TMEM254: variants seen among roughly 807,000 people sequenced by gnomAD.
TMEM254 encodes the protein transmembrane protein C10orf57.
In TMEM254, 16 loss-of-function variants were observed where a neutral mutation model predicts 13.9. The observed-to-expected ratio is 1.15, with a 90% CI of 0.78 to 1.75. TMEM254 has a LOEUF of 1.75. Ranked by LOEUF, TMEM254 falls within the 40% of genes most tolerant of loss-of-function variation. TMEM254 has a pLI of 0.00. For missense variants in TMEM254, 155 were observed against 149.0 expected (o/e 1.04, Z -0.21); for synonymous variants, 61 against 56.4 (o/e 1.08, Z -0.36).
chr10:80,090,967 T>C lies in TMEM254; in HGVS notation c.*50T>C. 5.0e-6 allele frequency: 8 copies of C among 1,602,758 alleles called. No individual in the cohort carries two copies. Among genetic ancestry groups the C allele is most frequent in the Non-Finnish European group, 6.0e-6 (7 of 1,175,738 alleles). ...CTTTTACATTCATCCTCACCCTTTT[T>C]TTTGTGGGGTAGAGGAGGTGCAGTA... On this transcript the variant is annotated 3_prime_UTR_variant, in exon 4 of 4. Transcript: ENST00000372281.
chr10:80,082,337 A>T (rs1844081621), intron 3 of TMEM254, 133 bp downstream of exon 3: 6 of 989,540 alleles, frequency 6.1e-6, no homozygotes, highest in Admixed American at 2.2e-5. Flanking sequence ...CCCATGCCTG[A>T]TACTGAGCCT....
chr10:80,090,271 G>GT (rs1344757571), intron 3 of TMEM254: 2 of 656,710 alleles, frequency 3.0e-6, no homozygotes, highest in Non-Finnish European at 5.6e-6. Flanking sequence ...ATAAGCAGGT[G>GT]TTTATCATGA....
Position 80,090,880 on chromosome 10 carries a change from T to C in TMEM254, c.335T>C (p.Leu112Ser), listed in dbSNP as rs569665846. The C allele has an allele frequency of 1.2e-6, 2 of 1,614,134 alleles. No individual in the cohort carries two copies. Among genetic ancestry groups the C allele is most frequent in the East Asian group, 2.2e-5 (1 of 44,878 alleles). ...FFFGIASLTILIAYKRKRQKQ... is the reference protein window; with the variant it reads ...FFFGIASLTISIAYKRKRQKQ... The stretch of plus-strand genomic sequence containing the variant: ...TTTGGGATAGCGTCTCTCACCATCT[T>C]GATTGCTTACAAACGGAAGCGCCAA... Residue 112 changes from leucine to serine, a missense_variant, in exon 4 of 4, where the codon TTG becomes TCG. By Grantham distance (145) the Leu-to-Ser change is moderately radical. Coordinates refer to ENST00000372281, the MANE Select transcript of TMEM254 (RefSeq NM_025125.4).
At chr10:80,079,488 ATGTT>A (rs1048742388) in intron 1 of TMEM254, 5 of 1,027,778 alleles carry the variant, frequency 4.9e-6, no homozygotes, top group South Asian at 3.6e-5. Context: ...CCGAAGCAGA[ATGTT>A]TGAGCCAATA....
At chr10:80,078,859 A>G (rs1843787984) in intron 1 of TMEM254, 73 bp downstream of exon 1, 2 of 1,541,050 alleles carry the variant, frequency 1.3e-6, no homozygotes, top group Non-Finnish European at 1.8e-6. Context: ...ACCTGGGCTC[A>G]CAGGCCGCGG....
intron 3 of TMEM254, among the ~76,000 whole-genome samples, chr10:80,088,327 T>C (rs1429382096): frequency 1.3e-5 from 2 of 152,194 alleles, no homozygotes; most frequent in African/African-American, 2.4e-5. Flanking sequence ...CCTTTGCATA[T>C]TCTGTGCATT....
chr10:80,090,962 C>CTTTTTT lies in TMEM254; in HGVS notation c.*48_*53dup. 6.3e-7 allele frequency: 1 copy of CTTTTTT among 1,599,096 alleles called. No individual in the cohort carries two copies. Among genetic ancestry groups the CTTTTTT allele is most frequent in the Non-Finnish European group, 8.5e-7 (1 of 1,173,506 alleles). On this transcript the variant is annotated 3_prime_UTR_variant, in exon 4 of 4. Coordinates refer to ENST00000372281, the MANE Select transcript of TMEM254 (RefSeq NM_025125.4). ...CTACACTTTTACATTCATCCTCACC[C>CTTTTTT]TTTTTTTTGTGGGGTAGAGGAGGTG...
chr10:80,082,310 CAG>C, intron 3 of TMEM254, 106 bp downstream of exon 3: 1 of 1,349,062 alleles, frequency 7.4e-7, no homozygotes, highest in South Asian at 1.2e-5. Context: ...AGAATATTCT[CAG>C]GGTAGAGCGG....
intron 1 of TMEM254, among the ~76,000 whole-genome samples, chr10:80,080,713 C>T (rs1843957236): frequency 6.6e-6 from 1 of 151,988 alleles, no homozygotes; most frequent in Admixed American, 6.6e-5. Flanking sequence ...CCGAGGCGGG[C>T]AAATCGCTTG....
intron 3 of TMEM254, among the ~76,000 whole-genome samples, chr10:80,087,488 C>CAA (rs34380847): frequency 0.014 from 1,856 of 136,038 alleles, 37 homozygotes; most frequent in African/African-American, 0.034. Flanking sequence ...ACTAAAAATA[C>CAA]AAAAAAAAAA....
intron 3 of TMEM254, among the ~76,000 whole-genome samples, chr10:80,084,347 C>A (rs1206348608): frequency 2.6e-5 from 4 of 152,174 alleles, no homozygotes; most frequent in Admixed American, 1.3e-4. Flanking sequence ...ATTGAGATCA[C>A]TTCCGTCCTT....
In TMEM254 at chr10:80,079,616, G is replaced by A. The variant is rs1211499710; in HGVS notation, c.87+830G>A. The stretch of plus-strand genomic sequence containing the variant: ...TAGGTGTGGAAGCAAGAAGAAAGCT[G>A]TACCTAGAAAAAGAGCGACGTTTGT... On this transcript the variant is annotated intron_variant, in intron 1 of 3. Coordinates refer to ENST00000372281, the MANE Select transcript of TMEM254 (RefSeq NM_025125.4). 4 of 986,982 alleles carry A rather than the reference G, an allele frequency of 4.1e-6. No homozygotes were observed. In the East Asian group the frequency reaches 4.5e-4, roughly 112 times the overall value. 61.1% of individuals were successfully genotyped at this position (986,982 alleles called of 1,614,324 possible).
At chr10:80,086,093 GT>G in intron 3 of TMEM254, 1 of 465,744 alleles carries the variant, frequency 2.1e-6, no homozygotes, top group Non-Finnish European at 3.7e-6. Context: ...AGTATCAGAG[GT>G]AACATTTTTT....
At chr10:80,089,890 A>G (rs1046064959) in intron 3 of TMEM254, among the ~76,000 whole-genome samples, 3 of 151,996 alleles carry the variant, frequency 2.0e-5, no homozygotes, top group African/African-American at 7.2e-5. Flanking sequence ...CTGTAATCCC[A>G]GCTACTCGGG....
At chr10:80,088,671 A>G (rs1354739054) in intron 3 of TMEM254, among the ~76,000 whole-genome samples, 7 of 150,838 alleles carry the variant, frequency 4.6e-5, no homozygotes, top group Non-Finnish European at 7.4e-5. Context: ...AGGCTGAGGC[A>G]GGAGAATGGC....
chr10:80,090,627 A>T (rs1844535079), intron 3 of TMEM254, among the ~76,000 whole-genome samples, 170 bp from the exon 4 acceptor site: 1 of 152,242 alleles, frequency 6.6e-6, no homozygotes, highest in Admixed American at 6.5e-5. Context: ...GAAAACAAGA[A>T]AGATGAAAAA....
intron 2 of TMEM254, 42 bp from the exon 3 acceptor site, chr10:80,082,102 TA>T (rs755837983): frequency 6.0e-5 from 97 of 1,608,782 alleles, no homozygotes; most frequent in Non-Finnish European, 6.7e-5. Context: ...CATCAGCAGA[TA>T]ACTATCACCT....
intron 1 of TMEM254, among the ~76,000 whole-genome samples, chr10:80,080,709 C>T (rs1354806204): frequency 1.3e-5 from 2 of 151,676 alleles, no homozygotes; most frequent in East Asian, 1.9e-4. Context: ...GAGGCCGAGG[C>T]GGGCAAATCG....
At chr10:80,085,434 G>A (rs1475818142) in intron 3 of TMEM254, among the ~76,000 whole-genome samples, 2 of 151,964 alleles carry the variant, frequency 1.3e-5, no homozygotes, top group Non-Finnish European at 2.9e-5. Flanking sequence ...GGGTGTGGTG[G>A]CACATACCTG....
Sources: allele counts gnomAD v4.1 joint callset (sites outside exome capture counted in the v4.1 genomes callset), GRCh38; gene constraint gnomAD v4.1.1; transcripts MANE v1.5; gene names NCBI Gene and HGNC (gene_info 2026-07-23, HGNC 2026-07-21).